TMC2: variants seen among roughly 807,000 people sequenced by gnomAD.
The protein encoded by TMC2 is transmembrane channel like 2, also known as transmembrane channel-like protein 2.
In TMC2, 102 loss-of-function variants were observed where a neutral mutation model predicts 105.9. The ratio of observed to expected loss-of-function variants is 0.96; its 90% confidence interval spans 0.82 to 1.14. The LOEUF is 1.14. Among genes scored for constraint, TMC2 ranks in the 50% most tolerant of loss-of-function variants. TMC2 has a pLI of 0.00. For missense variants in TMC2, 1,093 were observed against 1,134.3 expected (o/e 0.96, Z 0.52); for synonymous variants, 402 against 422.8 (o/e 0.95, Z 0.60).
chr20:2,584,398 C>T (rs1212844093), intron 7 of TMC2, among the ~76,000 whole-genome samples: 1 of 144,298 alleles, frequency 6.9e-6, no homozygotes, highest in African/African-American at 2.8e-5. Flanking sequence ...GAGCCGAGAT[C>T]CCGCCACTGC....
In TMC2 at chr20:2,579,103, T is replaced by C. The variant is rs767982084; in HGVS notation, c.646-43T>C. The stretch of plus-strand genomic sequence containing the variant: ...TCATCATGCCCCTTTGTGCTCCAGG[T>C]TGACATGTTAAGGAACTGAGAGTTT... On this transcript the variant is annotated intron_variant, in intron 5 of 19. Transcript: ENST00000358864. 4 of 1,145,878 alleles carry C rather than the reference T, an allele frequency of 3.5e-6. No individual in the cohort carries two copies. In the East Asian group the frequency reaches 9.5e-5, roughly 27 times the overall value. The allele number at this position is 1,145,878 out of a possible 1,614,324, so 71.0% of individuals were successfully genotyped here. A position where few individuals can be genotyped will look rare whatever the true frequency, so the allele number is the denominator to read the frequency against.
chr20:2,602,781 A>G (rs565197554), intron 11 of TMC2, among the ~76,000 whole-genome samples: 1 of 152,376 alleles, frequency 6.6e-6, no homozygotes, highest in African/African-American at 2.4e-5. Flanking sequence ...TATTGTGATA[A>G]CACAGAATCC....
chr20:2,578,121 G>A (rs2122870498), intron 5 of TMC2, among the ~76,000 whole-genome samples: 1 of 152,178 alleles, frequency 6.6e-6, no homozygotes, highest in South Asian at 2.1e-4. Flanking sequence ...AGGAGTTCAA[G>A]GCCTGCCTGG....
intron 14 of TMC2, among the ~76,000 whole-genome samples, chr20:2,614,208 G>A (rs932042613): frequency 2.6e-5 from 4 of 152,130 alleles, no homozygotes; most frequent in African/African-American, 9.7e-5. Context: ...ATTACTAAGA[G>A]GTCATTGTTC....
chr20:2,572,214 C>T lies in TMC2; in HGVS notation c.590C>T (p.Ala197Val). 1.2e-6 allele frequency: 2 copies of T among 1,611,800 alleles called. No individual in the cohort carries two copies. Among genetic ancestry groups the T allele is most frequent in the Non-Finnish European group, 1.7e-6 (2 of 1,179,624 alleles). The change falls in exon 5 of 20, where the codon GCC (alanine) becomes GTC (valine). Residue 197 changes from alanine to valine, a missense_variant. Ala to Val is a moderately conservative substitution (Grantham distance 64, BLOSUM62 0). Transcript: ENST00000358864. ...AQEFVEKYEG[A>V]LGKGKGKQLY... is the part of the protein sequence containing the mutation. ...GAATTTGTGGAGAAGTATGAAGGTGCCTTGGGAAAGGGGAAAGGCAAGCAA... is the reference window on the plus strand; with the variant it reads ...GAATTTGTGGAGAAGTATGAAGGTGTCTTGGGAAAGGGGAAAGGCAAGCAA...
rs759028029 is a variant in TMC2, at chr20:2,612,269, A to G, written c.1672A>G (p.Ser558Gly). The G allele has an allele frequency of 7.4e-6, 12 of 1,612,720 alleles. No individual in the cohort carries two copies. Among genetic ancestry groups the G allele is most frequent in the Non-Finnish European group, 1.7e-6 (2 of 1,179,318 alleles). ...TTACAACTCTTCTGGTTGGAACGAG[A>G]GTGTCCCCCGACCACCCCTGCACCC... is the stretch of plus-strand genomic sequence containing the variant. ...NYYNSSGWNESVPRPPLHPAD... is the reference protein window; with the variant it reads ...NYYNSSGWNEGVPRPPLHPAD... Residue 558 changes from serine to glycine, a missense_variant, in exon 13 of 20, where the codon AGT becomes GGT. Coordinates refer to ENST00000358864, the MANE Select transcript of TMC2 (RefSeq NM_080751.3).
At position 2,558,886 on chromosome 20, in the gene TMC2, C is replaced by T. The variant is rs762456920; in HGVS notation, c.401+112C>T. On this transcript the variant is annotated intron_variant, in intron 3 of 19. Coordinates refer to ENST00000358864, the MANE Select transcript of TMC2 (RefSeq NM_080751.3). This position sits in a 1 kb window ranked among gnomAD's most constrained non-coding sequence, Gnocchi z 4.6. ...CCCCCCTCCCCGGGGAGAGGCAGCC[C>T]GTGCCCTCGCTCTGGCTTCCGTGCC... 4 of 1,137,212 alleles carry T rather than the reference C, an allele frequency of 3.5e-6. No homozygotes were observed. Among genetic ancestry groups the T allele is most frequent in the Middle Eastern group, 2.6e-4 (1 of 3,784 alleles). The allele number at this position is 1,137,212 out of a possible 1,614,324, so 70.4% of individuals were successfully genotyped here. A position where few individuals can be genotyped will look rare whatever the true frequency, so the allele number is the denominator to read the frequency against.
intron 7 of TMC2, among the ~76,000 whole-genome samples, chr20:2,584,659 A>G (rs978146421): frequency 6.6e-6 from 1 of 152,136 alleles, no homozygotes; most frequent in African/African-American, 2.4e-5. Flanking sequence ...CTAAAATCAC[A>G]GTGTATCTAA....
chr20:2,609,643 C>T (rs1600128265), intron 11 of TMC2, among the ~76,000 whole-genome samples: 4 of 152,098 alleles, frequency 2.6e-5, no homozygotes, highest in Admixed American at 2.0e-4. Flanking sequence ...CTGAACACTA[C>T]ACAAACATAT....
At chr20:2,573,564 T>TC (rs1330580326) in intron 5 of TMC2, among the ~76,000 whole-genome samples, 4 of 111,644 alleles carry the variant, frequency 3.6e-5, no homozygotes, top group Admixed American at 1.6e-4. Context: ...TTCTTTTCTT[T>TC]TTTTTTTTTT....
chr20:2,591,819 G>T (rs1267780826), intron 7 of TMC2, among the ~76,000 whole-genome samples: 1 of 152,176 alleles, frequency 6.6e-6, no homozygotes, highest in South Asian at 2.1e-4. Context: ...CAATGAGTGT[G>T]TGTTACTCTT....
At chr20:2,579,325 T>C in intron 6 of TMC2, 98 bp downstream of exon 6, 1 of 609,722 alleles carries the variant, frequency 1.6e-6, no homozygotes, top group Non-Finnish European at 2.9e-6. Flanking sequence ...ATTATTTCAT[T>C]GGTTCTGTTG....
At chr20:2,628,968 G>C (rs1210081416) in intron 17 of TMC2, among the ~76,000 whole-genome samples, 744 of 136,190 alleles carry the variant, frequency 5.5e-3, no homozygotes, top group South Asian at 7.8e-3. Flanking sequence ...CGGGCGTGGT[G>C]GCGGGCGCCT....
intron 2 of TMC2, among the ~76,000 whole-genome samples, chr20:2,549,557 A>G (rs1309223535): frequency 6.6e-6 from 1 of 152,140 alleles, no homozygotes; most frequent in African/African-American, 2.4e-5. Flanking sequence ...AGCCTGGCCA[A>G]CACGGTGAAA....
chr20:2,633,270 C>T (rs980798920), intron 17 of TMC2, among the ~76,000 whole-genome samples: 3 of 152,042 alleles, frequency 2.0e-5, no homozygotes, highest in African/African-American at 7.2e-5. Context: ...TGTTCAGAGA[C>T]TCAAGGTTAC....
intron 5 of TMC2, among the ~76,000 whole-genome samples, chr20:2,577,186 G>A (rs965275039): frequency 6.6e-6 from 1 of 152,050 alleles, no homozygotes; most frequent in African/African-American, 2.4e-5. Context: ...GAGATTACAG[G>A]CGTGAGCAAC....
At chr20:2,562,201 G>C (rs2086031985) in intron 4 of TMC2, among the ~76,000 whole-genome samples, 191 bp downstream of exon 4, 1 of 152,252 alleles carries the variant, frequency 6.6e-6, no homozygotes, top group South Asian at 2.1e-4. Context: ...GGCCTAGAGG[G>C]GGAGCCATGG....
intron 17 of TMC2, among the ~76,000 whole-genome samples, chr20:2,630,354 C>T (rs1356868684): frequency 3.9e-5 from 6 of 152,066 alleles, no homozygotes; most frequent in Non-Finnish European, 7.4e-5. Flanking sequence ...GTTTTTGCTT[C>T]GTATGTTTTA....
At chr20:2,562,108 T>C in intron 4 of TMC2, 98 bp downstream of exon 4, 1 of 1,412,998 alleles carries the variant, frequency 7.1e-7, no homozygotes, top group South Asian at 1.4e-5. Flanking sequence ...AGGGGCTTGA[T>C]GTGAGGGGGC....
Sources: gnomAD v4.1 joint callset for allele counts (sites outside exome capture counted in the v4.1 genomes callset) on GRCh38, gnomAD v4.1.1 for gene constraint, Gnocchi (gnomAD v3.1) non-coding constraint, MANE v1.5 for transcripts, NCBI Gene and HGNC (gene_info 2026-07-23, HGNC 2026-07-21) for gene names.